The following RAB3B variants were observed in gnomAD, a reference collection of about 807,000 sequenced individuals.
The protein encoded by RAB3B is ras-related protein Rab-3B.
RAB3B carries 11 observed loss-of-function variants against 20.5 expected under a neutral mutation model. The ratio of observed to expected loss-of-function variants is 0.54; its 90% confidence interval spans 0.34 to 0.89. The LOEUF (loss-of-function observed/expected upper bound fraction) is 0.89. Ranked by LOEUF, RAB3B falls within the 40% of genes least tolerant of loss-of-function variation. The pLI is 0.02. For synonymous variants in RAB3B, 99 were observed against 106.3 expected (o/e 0.93, Z 0.42); for missense variants, 225 against 280.9 (o/e 0.80, Z 1.42).
intron 2 of RAB3B, among the ~76,000 whole-genome samples, chr1:51,974,267 T>C (rs1295519326): frequency 2.6e-5 from 4 of 152,228 alleles, no homozygotes; most frequent in Non-Finnish European, 5.9e-5. Context: ...ATAGGTGCTT[T>C]TAGTAAATGC....
intron 2 of RAB3B, among the ~76,000 whole-genome samples, chr1:51,976,015 G>C (rs2124310789): frequency 6.6e-6 from 1 of 151,314 alleles, no homozygotes; most frequent in Admixed American, 6.6e-5. Flanking sequence ...AGATCCTCCA[G>C]CTCCAGTGTA....
chr1:51,934,922 T>C (rs1684377006), intron 3 of RAB3B, among the ~76,000 whole-genome samples: 1 of 152,152 alleles, frequency 6.6e-6, no homozygotes, highest in Non-Finnish European at 1.5e-5. Flanking sequence ...CATCTTTTTG[T>C]GGAGATGGGC....
At chr1:51,976,495 C>CA (rs1685010570) in intron 2 of RAB3B, among the ~76,000 whole-genome samples, 1 of 152,088 alleles carries the variant, frequency 6.6e-6, no homozygotes, top group African/African-American at 2.4e-5. Flanking sequence ...CCTAAGGACC[C>CA]AACAGCCTTA....
In RAB3B at chr1:51,919,228, CCG is replaced by C. The variant is rs1173358008; in HGVS notation, c.*697_*698del. 2 of 152,046 alleles carry C rather than the reference CCG, an allele frequency of 1.3e-5. No homozygotes were observed. The highest frequency in any genetic ancestry group is 2.9e-5 in the Non-Finnish European group (2 of 68,016). The allele number at this position is 152,046 out of a possible 1,614,324, so 9.4% of individuals were successfully genotyped here. On this transcript the variant is annotated 3_prime_UTR_variant, in exon 5 of 5. Coordinates refer to ENST00000371655, the MANE Select transcript of RAB3B (RefSeq NM_002867.4). ...TCGATCTCCTGACCTCATGATCCACCCGCCTCGGCCTCCCAAAGTGCTGGGAT... is the reference window on the plus strand; with the variant it reads ...TCGATCTCCTGACCTCATGATCCACCCCTCGGCCTCCCAAAGTGCTGGGAT...
chr1:51,974,448 A>T (rs1214687159), intron 2 of RAB3B, among the ~76,000 whole-genome samples: 1 of 152,194 alleles, frequency 6.6e-6, no homozygotes, highest in African/African-American at 2.4e-5. Context: ...AACAAATTCC[A>T]AGGTGATGCT....
At chr1:51,989,566 G>A (rs1685196468) in intron 1 of RAB3B, among the ~76,000 whole-genome samples, 1 of 150,592 alleles carries the variant, frequency 6.6e-6, no homozygotes, top group South Asian at 2.1e-4. Context: ...CTGACCCAGC[G>A]CCCCACCACC....
chr1:51,954,972 C>T (rs899548206), intron 2 of RAB3B, among the ~76,000 whole-genome samples: 2 of 152,166 alleles, frequency 1.3e-5, no homozygotes, highest in African/African-American at 4.8e-5. Flanking sequence ...CAGAAAGCCA[C>T]TGAAGGGTTT....
chr1:51,978,369 C>A (rs890803933), intron 1 of RAB3B, among the ~76,000 whole-genome samples: 1 of 152,218 alleles, frequency 6.6e-6, no homozygotes, highest in Non-Finnish European at 1.5e-5. Context: ...AATGAGATAA[C>A]AATGGATGAA....
chr1:51,920,770 T>C (rs966568225), intron 4 of RAB3B, among the ~76,000 whole-genome samples: 1 of 152,074 alleles, frequency 6.6e-6, no homozygotes, highest in Non-Finnish European at 1.5e-5. Context: ...TCATTCCCCC[T>C]AGGCTGGCCA....
chr1:51,987,052 A>G (rs1019940629), intron 1 of RAB3B, among the ~76,000 whole-genome samples: 1 of 152,222 alleles, frequency 6.6e-6, no homozygotes, highest in African/African-American at 2.4e-5. Context: ...ACCATCTGGG[A>G]AGTCGTCCCT....
rs912570587 is a variant in RAB3B, at chr1:51,919,035, C to A, written c.*892G>T. 6.7e-4 allele frequency: 97 copies of A among 145,744 alleles called. No individual in the cohort carries two copies. Among genetic ancestry groups the A allele is most frequent in the African/African-American group, 2.5e-3 (94 of 38,190 alleles). The allele number at this position is 145,744 out of a possible 1,614,324, so 9.0% of individuals were successfully genotyped here. On this transcript the variant is annotated 3_prime_UTR_variant, in exon 5 of 5. Coordinates refer to ENST00000371655, the MANE Select transcript of RAB3B (RefSeq NM_002867.4). ...TCTGTCGCCCAGGCCGGACTGCGGACTGCAGTGGCGCAATCTCGGCTCACT... is the reference window on the plus strand; with the variant it reads ...TCTGTCGCCCAGGCCGGACTGCGGAATGCAGTGGCGCAATCTCGGCTCACT...
At chr1:51,955,071 C>A (rs1359131716) in intron 2 of RAB3B, among the ~76,000 whole-genome samples, 3 of 152,258 alleles carry the variant, frequency 2.0e-5, no homozygotes, top group Non-Finnish European at 4.4e-5. Context: ...GTCACTGCTG[C>A]TTCTGCCAAA....
rs546423133 is a variant in RAB3B at position 51,939,242 on chromosome 1, G to A, written c.229-1830C>T. ...CAGTCTCAGAATGTGTGATGCTTAA[G>A]CATATATAAAACATGTCCTCATATA... On this transcript the variant is annotated intron_variant, in intron 2 of 4. Transcript: ENST00000371655. Among the ~76,000 whole-genome samples the A allele has an allele frequency of 7.9e-5, 12 of 152,280 alleles. No homozygotes were observed. The South Asian group carries it at 2.5e-3, about 32-fold the overall frequency.
Position 51,914,708 on chromosome 1 carries a change from A to C in RAB3B, c.*5219T>G, listed in dbSNP as rs537441886. 2 of 152,296 alleles carry C rather than the reference A, an allele frequency of 1.3e-5. No homozygotes were observed. Among genetic ancestry groups the C allele is most frequent in the East Asian group, 3.9e-4 (2 of 5,186 alleles). The allele number at this position is 152,296 out of a possible 1,614,324, so 9.4% of individuals were successfully genotyped here. On this transcript the variant is annotated 3_prime_UTR_variant, in exon 5 of 5. Transcript: ENST00000371655. Reference sequence around the variant, plus strand: ...GCCACAGGATGCTACTTGATTCCCCAACTATGGCAGGTAATTGGGTGTAGG... The same window carrying C: ...GCCACAGGATGCTACTTGATTCCCCCACTATGGCAGGTAATTGGGTGTAGG...
chr1:51,976,772 G>T, intron 2 of RAB3B, 118 bp downstream of exon 2: 2 of 866,406 alleles, frequency 2.3e-6, no homozygotes, highest in South Asian at 1.7e-5. Flanking sequence ...ACCTGAAACA[G>T]CATTAATGCC....
chr1:51,972,806 A>G (rs2124306517), intron 2 of RAB3B, among the ~76,000 whole-genome samples: 1 of 152,246 alleles, frequency 6.6e-6, no homozygotes, highest in South Asian at 2.1e-4. Context: ...ATTAATTTCA[A>G]TTGTATTTTG....
chr1:51,977,451 G>T (rs1685026146), intron 1 of RAB3B, among the ~76,000 whole-genome samples: 1 of 152,182 alleles, frequency 6.6e-6, no homozygotes. Context: ...TAAAAGGTGG[G>T]TCAACACAGA....
intron 2 of RAB3B, 117 bp downstream of exon 2, chr1:51,976,773 C>T (rs1252019254): frequency 6.9e-6 from 6 of 873,176 alleles, no homozygotes; most frequent in Non-Finnish European, 1.1e-5. Flanking sequence ...CCTGAAACAG[C>T]ATTAATGCCT....
At chr1:51,944,165 A>C (rs1684532205) in intron 2 of RAB3B, among the ~76,000 whole-genome samples, 1 of 152,218 alleles carries the variant, frequency 6.6e-6, no homozygotes, top group South Asian at 2.1e-4. Flanking sequence ...AGGGCCCCTC[A>C]AAACTATGCT....
Sources: gnomAD v4.1 joint callset for allele counts (sites outside exome capture counted in the v4.1 genomes callset) on GRCh38, gnomAD v4.1.1 for gene constraint, MANE v1.5 for transcripts, NCBI Gene and HGNC (gene_info 2026-07-23, HGNC 2026-07-21) for gene names.